IFT88: variants seen among roughly 807,000 people sequenced by gnomAD.
The protein encoded by IFT88 is intraflagellar transport protein 88 homolog.
IFT88 carries 74 observed loss-of-function variants against 119.5 expected under a neutral mutation model. The observed-to-expected ratio is 0.62, with a 90% confidence interval of 0.51 to 0.75. The LOEUF (loss-of-function observed/expected upper bound fraction) is 0.75. Among genes scored for constraint, IFT88 ranks in the 30% least tolerant of loss-of-function variants. The probability of loss-of-function intolerance (pLI) is 0.00; values close to 1 mark genes in which losing one functional copy is unlikely to be tolerated. For missense variants in IFT88, 961 were observed against 977.7 expected, an observed-to-expected ratio of 0.98 and a Z score of 0.23; for synonymous variants, 279 against 316.7, an observed-to-expected ratio of 0.88 and a Z score of 1.26.
At chr13:20,614,279 T>C (rs2045197655) in intron 13 of IFT88, 1 of 152,238 alleles carries the variant, frequency 6.6e-6, no homozygotes, top group South Asian at 2.1e-4. Flanking sequence ...TCAGTAATGT[T>C]GAGAAAGCTG....
chr13:20,568,002 C>T lies in IFT88; in HGVS notation c.-7+746C>T, dbSNP rs377387784. 815 of 713,254 alleles carry T rather than the reference C, an allele frequency of 1.1e-3. 3 individuals are homozygous for T. The highest frequency in any genetic ancestry group is 2.3e-3 in the Middle Eastern group (10 of 4,362). 44.2% of individuals were successfully genotyped at this position (713,254 alleles called of 1,614,324 possible). A position where few individuals can be genotyped will look rare whatever the true frequency, so the allele number is the denominator to read the frequency against. On this transcript the variant is annotated intron_variant, in intron 1 of 25. Transcript: ENST00000351808. ...ATGAAATTCACAAACACTAAGGTAG[C>T]CGATGAGCTTTAAAAAAAATCGCAA...
chr13:20,569,778 C>G (rs1163127616), intron 1 of IFT88, among the ~76,000 whole-genome samples: 1 of 151,778 alleles, frequency 6.6e-6, no homozygotes, highest in Non-Finnish European at 1.5e-5. Flanking sequence ...CCTGTAATCC[C>G]AGCACTCTGG....
intron 1 of IFT88, among the ~76,000 whole-genome samples, chr13:20,574,021 T>G (rs2036892501): frequency 6.6e-6 from 1 of 152,190 alleles, no homozygotes; most frequent in Non-Finnish European, 1.5e-5. Context: ...TAGTTATACT[T>G]TATTGGAATT....
intron 6 of IFT88, among the ~76,000 whole-genome samples, chr13:20,592,053 T>G (rs541517762): frequency 6.6e-6 from 1 of 152,320 alleles, no homozygotes; most frequent in South Asian, 2.1e-4. Context: ...TAGAGATAGA[T>G]CACTGTGGAA....
intron 18 of IFT88, chr13:20,641,955 A>G (rs2050026525): frequency 1.3e-5 from 2 of 152,244 alleles, no homozygotes; most frequent in South Asian, 2.1e-4. Flanking sequence ...TATCAGTATT[A>G]TGTTTCAAAC....
At chr13:20,660,488 G>T (rs866682686) in intron 22 of IFT88, among the ~76,000 whole-genome samples, 1 of 152,214 alleles carries the variant, frequency 6.6e-6, no homozygotes, top group African/African-American at 2.4e-5. Context: ...TCAAGCTTCT[G>T]TACCTGAGGT....
At chr13:20,583,113 T>A in intron 3 of IFT88, 94 bp downstream of exon 3, 1 of 668,692 alleles carries the variant, frequency 1.5e-6, no homozygotes, top group Non-Finnish European at 2.5e-6. Flanking sequence ...TCCTGTAGTG[T>A]TAAAGATTAT....
intron 15 of IFT88, among the ~76,000 whole-genome samples, chr13:20,630,702 C>T (rs1039510271): frequency 6.6e-6 from 1 of 152,136 alleles, no homozygotes; most frequent in Admixed American, 6.6e-5. Context: ...CCCAGCCTTC[C>T]AAGGCTCATT....
intron 20 of IFT88, among the ~76,000 whole-genome samples, chr13:20,649,910 A>C (rs1212110594): frequency 6.6e-6 from 1 of 152,150 alleles, no homozygotes; most frequent in Non-Finnish European, 1.5e-5. Flanking sequence ...TAGAAACACA[A>C]TCAACCAAAC....
rs2139958542 is a variant in IFT88, at chr13:20,625,822, A to T, written c.1272A>T (p.Thr424=). The T allele has an allele frequency of 6.3e-7, 1 of 1,599,428 alleles. No homozygotes were observed. The highest frequency in any genetic ancestry group is 8.5e-7 in the Non-Finnish European group (1 of 1,176,126). ...ANDLEINKAV[T]YLRQKDYNQA... ...ATCTGGAAATAAACAAAGCAGTTACATACTTGAGACAAAAAGACTATAACC... is the reference window on the plus strand; with the variant it reads ...ATCTGGAAATAAACAAAGCAGTTACTTACTTGAGACAAAAAGACTATAACC... Residue 424 remains threonine (T), a synonymous_variant, in exon 15 of 26, where the codon ACA becomes ACT. Transcript: ENST00000351808.
At chr13:20,628,637 C>CG (rs1418595489) in intron 15 of IFT88, among the ~76,000 whole-genome samples, 1 of 151,918 alleles carries the variant, frequency 6.6e-6, no homozygotes, top group Non-Finnish European at 1.5e-5. Flanking sequence ...AAAACTTGAG[C>CG]GAAAAAATAC....
intron 12 of IFT88, among the ~76,000 whole-genome samples, 175 bp downstream of exon 12, chr13:20,602,108 A>G (rs1052988961): frequency 2.6e-5 from 4 of 151,878 alleles, no homozygotes; most frequent in South Asian, 4.2e-4. Context: ...ATGAGACTCT[A>G]TTGAAATGGG....
chr13:20,567,703 A>G, intron 1 of IFT88: 13 of 1,193,944 alleles, frequency 1.1e-5, no homozygotes, highest in Non-Finnish European at 1.4e-5. Context: ...TGAAAGTTGA[A>G]TCAGGAATGA....
intron 20 of IFT88, among the ~76,000 whole-genome samples, chr13:20,648,310 C>T (rs1269814332): frequency 6.6e-6 from 1 of 152,132 alleles, no homozygotes; most frequent in South Asian, 2.1e-4. Flanking sequence ...GCATGAGAAT[C>T]GCTTGAACCC....
intron 16 of IFT88, among the ~76,000 whole-genome samples, chr13:20,636,184 T>C (rs1594478555): frequency 6.6e-6 from 1 of 152,190 alleles, no homozygotes; most frequent in Non-Finnish European, 1.5e-5. Context: ...GAACAGAGCC[T>C]TGAAGTGTCT....
intron 12 of IFT88, among the ~76,000 whole-genome samples, chr13:20,604,266 AT>A (rs1429299383): frequency 6.6e-6 from 1 of 152,114 alleles, no homozygotes; most frequent in Non-Finnish European, 1.5e-5. Context: ...AACAAAAAAA[AT>A]GTATGTGAAA....
chr13:20,583,291 TACCTTACATA>T (rs2039055050), intron 3 of IFT88, among the ~76,000 whole-genome samples: 1 of 152,220 alleles, frequency 6.6e-6, no homozygotes, highest in Non-Finnish European at 1.5e-5. Context: ...CTAATTTAGA[TACCTTACATA>T]AGTGGAGTCT....
intron 24 of IFT88, among the ~76,000 whole-genome samples, chr13:20,688,721 T>C (rs926677047): frequency 6.6e-6 from 1 of 151,992 alleles, no homozygotes; most frequent in African/African-American, 2.4e-5. Flanking sequence ...ACTACAAATA[T>C]TGTAATTATT....
At chr13:20,583,983 C>G (rs2039187016) in intron 3 of IFT88, among the ~76,000 whole-genome samples, 2 of 152,044 alleles carry the variant, frequency 1.3e-5, no homozygotes, top group Admixed American at 1.3e-4. Flanking sequence ...TTCTATTGGT[C>G]TATTTGTCTG....
Sources: allele counts gnomAD v4.1 joint callset (sites outside exome capture counted in the v4.1 genomes callset), GRCh38; gene constraint gnomAD v4.1.1; transcripts MANE v1.5; gene names NCBI Gene and HGNC (gene_info 2026-07-23, HGNC 2026-07-21).